ACYP2: variants seen among roughly 807,000 people sequenced by gnomAD.
ACYP2 encodes acylphosphatase-2.
ACYP2 carries 12 observed loss-of-function variants against 11.2 expected under a neutral mutation model. The ratio of observed to expected loss-of-function variants is 1.08; its 90% CI spans 0.69 to 1.74. The LOEUF (loss-of-function observed/expected upper bound fraction) is 1.74. ACYP2 is among the 40% of genes most tolerant of loss of function. ACYP2 has a pLI of 0.00. For missense variants in ACYP2, 134 were observed against 101.9 expected (o/e 1.31, Z -1.35); for synonymous variants, 43 against 32.2 (o/e 1.33, Z -1.13).
At chr2:54,263,326 G>A (rs1235226892) in intron 6 of ACYP2, among the ~76,000 whole-genome samples, 2 of 152,180 alleles carry the variant, frequency 1.3e-5, no homozygotes, top group Non-Finnish European at 2.9e-5. Flanking sequence ...AGGGGATAGT[G>A]CTAAACCATT....
At chr2:54,254,943 C>T (rs1687420263) in intron 6 of ACYP2, 1 of 1,612,724 alleles carries the variant, frequency 6.2e-7, no homozygotes, top group South Asian at 1.1e-5. Context: ...ACCCAAAGGG[C>T]CTGGGGATCT....
intron 2 of ACYP2, among the ~76,000 whole-genome samples, chr2:53,986,051 C>G (rs927377554): frequency 1.3e-5 from 2 of 151,924 alleles, no homozygotes; most frequent in Admixed American, 1.3e-4. Flanking sequence ...CAGGAGAATC[C>G]TGGAGGCAGA....
intron 4 of ACYP2, among the ~76,000 whole-genome samples, chr2:54,124,352 G>A (rs1171077823): frequency 1.3e-5 from 2 of 152,088 alleles, no homozygotes; most frequent in Non-Finnish European, 2.9e-5. Flanking sequence ...GTGCCACCAC[G>A]CCTGGCTAAT....
chr2:54,192,058 C>G (rs1425947330), intron 6 of ACYP2, among the ~76,000 whole-genome samples: 1 of 152,108 alleles, frequency 6.6e-6, no homozygotes, highest in East Asian at 1.9e-4. Flanking sequence ...TCTTAAATCT[C>G]TCAAAAATCT....
chr2:54,084,536 C>T (rs1677842156), intron 4 of ACYP2: 1 of 152,232 alleles, frequency 6.6e-6, no homozygotes, highest in Non-Finnish European at 1.5e-5. Flanking sequence ...AAGTGATCCA[C>T]CTGCCTCCAC....
rs542556468 is a variant in ACYP2, at chr2:54,169,697, C to T, written c.404+30949C>T. Among the ~76,000 whole-genome samples, 11 of 152,030 alleles carry T rather than the reference C, an allele frequency of 7.2e-5. No homozygotes were observed. In the East Asian group the frequency reaches 1.7e-3, roughly 24 times the overall value. On this transcript the variant is annotated intron_variant, in intron 6 of 6. Transcript: ENST00000607452. Reference sequence around the variant, plus strand: ...ATGAAACTTACGGTTTTTTTTCCATCGAGAAAAATATTGCCTTCTATTTCT... The same window carrying T: ...ATGAAACTTACGGTTTTTTTTCCATTGAGAAAAATATTGCCTTCTATTTCT...
intron 6 of ACYP2, among the ~76,000 whole-genome samples, chr2:54,269,612 G>A (rs1688191165): frequency 6.6e-6 from 1 of 152,188 alleles, no homozygotes; most frequent in Admixed American, 6.5e-5. Flanking sequence ...CTGGCATGGT[G>A]AAAGATCGTA....
rs550142135 is a variant in ACYP2, at chr2:54,035,009, C to CAAAAAAAAAAAAAAA, written c.63-15940_63-15926dup. ...CAGGCGACAGTGCGAGACTACATCTCAAAAAAAAAAAAAAAAAAAAAAAGC... is the reference window on the plus strand; with the variant it reads ...CAGGCGACAGTGCGAGACTACATCTCAAAAAAAAAAAAAAAAAAAAAAAAAAAAAAAAAAAAAAGC... On this transcript the variant is annotated intron_variant, in intron 2 of 6. Coordinates refer to ENST00000607452, the MANE Select transcript of ACYP2 (RefSeq NM_001320586.2). Among the ~76,000 whole-genome samples the CAAAAAAAAAAAAAAA allele has an allele frequency of 3.3e-3, 147 of 44,760 alleles. 14 individuals carry two copies. The highest frequency in any genetic ancestry group is 6.1e-3 in the African/African-American group (102 of 16,610). The allele number at this position is 44,760 out of a possible 152,430, so 29.4% of individuals were successfully genotyped here.
rs984437876 is a variant in ACYP2 at position 54,275,427 on chromosome 2, T to C, written c.405-29261T>C. Reference sequence around the variant, plus strand: ...CTATTTCATAGAGGTAAAAATCTCATCAGTATGCTGGCAACAGTCTTTAAT... The same window carrying C: ...CTATTTCATAGAGGTAAAAATCTCACCAGTATGCTGGCAACAGTCTTTAAT... On this transcript the variant is annotated intron_variant, in intron 6 of 6. Coordinates refer to ENST00000607452, the MANE Select transcript of ACYP2 (RefSeq NM_001320586.2). 9.8e-5 allele frequency among the ~76,000 whole-genome samples: 15 copies of C among 152,312 alleles called. No individual in the cohort carries two copies. The East Asian group carries it at 2.7e-3, about 27-fold the overall frequency.
Position 53,988,863 on chromosome 2 carries a change from T to C in ACYP2, c.62+15053T>C, listed in dbSNP as rs115266015. ...CGGGTTCATGCGATTTTCCCTGCCT[T>C]AGGCTCCTTAGCAGCTGGGATTACA... On this transcript the variant is annotated intron_variant, in intron 2 of 6. Coordinates refer to ENST00000607452, the MANE Select transcript of ACYP2 (RefSeq NM_001320586.2). Among the ~76,000 whole-genome samples the C allele has an allele frequency of 2.2e-3, 331 of 152,108 alleles. 1 individual carries two copies. Among genetic ancestry groups the C allele is most frequent in the Non-Finnish European group, 3.4e-3 (231 of 67,998 alleles).
chr2:54,178,536 C>T (rs1290877825), intron 6 of ACYP2, among the ~76,000 whole-genome samples: 1 of 152,206 alleles, frequency 6.6e-6, no homozygotes, highest in Non-Finnish European at 1.5e-5. Context: ...CAGGGCTCTT[C>T]ATTAAAACAG....
At chr2:54,015,099 G>T (rs1312938762) in intron 2 of ACYP2, among the ~76,000 whole-genome samples, 1 of 152,188 alleles carries the variant, frequency 6.6e-6, no homozygotes, top group Non-Finnish European at 1.5e-5. Flanking sequence ...GGGCGTGGTA[G>T]CTCATGCCTG....
At chr2:54,238,710 C>T (rs1047028261) in intron 6 of ACYP2, among the ~76,000 whole-genome samples, 1 of 151,870 alleles carries the variant, frequency 6.6e-6, no homozygotes, top group Non-Finnish European at 1.5e-5. Context: ...ATTAAGCCTA[C>T]CAAATAAGAT....
chr2:54,230,900 G>A (rs1274421455), intron 6 of ACYP2, among the ~76,000 whole-genome samples: 1 of 144,164 alleles, frequency 6.9e-6, no homozygotes, highest in African/African-American at 2.6e-5. Context: ...GCACAATCTC[G>A]GCTCACTGCA....
At chr2:53,994,329 C>CAAAAAAA (rs374302355) in intron 2 of ACYP2, among the ~76,000 whole-genome samples, 3 of 42,888 alleles carry the variant, frequency 7.0e-5, no homozygotes, top group African/African-American at 9.3e-5. Flanking sequence ...GACTCCGTCT[C>CAAAAAAA]AAAAAAAAAA....
chr2:54,232,216 C>T (rs1369661490), intron 6 of ACYP2, among the ~76,000 whole-genome samples: 1 of 152,162 alleles, frequency 6.6e-6, no homozygotes, highest in African/African-American at 2.4e-5. Context: ...TCCTCCATGG[C>T]TCTGCTTGTT....
chr2:54,058,854 C>A (rs1421816723), intron 4 of ACYP2, among the ~76,000 whole-genome samples: 1 of 151,480 alleles, frequency 6.6e-6, no homozygotes, highest in Non-Finnish European at 1.5e-5. Flanking sequence ...GTTGGAATGT[C>A]TCTGGGAGGA....
intron 4 of ACYP2, among the ~76,000 whole-genome samples, chr2:54,129,177 C>G (rs1047700766): frequency 6.6e-6 from 1 of 152,196 alleles, no homozygotes; most frequent in African/African-American, 2.4e-5. Flanking sequence ...CAAACAGGTA[C>G]TAATCGTATC....
intron 2 of ACYP2, among the ~76,000 whole-genome samples, chr2:54,000,752 A>G (rs1272545191): frequency 6.6e-6 from 1 of 152,186 alleles, no homozygotes; most frequent in African/African-American, 2.4e-5. Flanking sequence ...TCTGCCCATA[A>G]GTAGAACACA....
Sources: allele counts gnomAD v4.1 joint callset (sites outside exome capture counted in the v4.1 genomes callset), GRCh38; gene constraint gnomAD v4.1.1; transcripts MANE v1.5; gene names NCBI Gene and HGNC (gene_info 2026-07-23, HGNC 2026-07-21).